The following ANK3 variants were observed in gnomAD, a reference collection of about 807,000 sequenced individuals.
The protein encoded by ANK3 is ankyrin 3.
A neutral mutation model predicts 370.9 loss-of-function variants in ANK3; 57 were observed. The observed-to-expected ratio is 0.15, with a 90% confidence interval of 0.12 to 0.19. The LOEUF is 0.19. ANK3 is among the 10% of genes least tolerant of loss of function. The pLI, the probability that ANK3 is intolerant of heterozygous loss-of-function variation, is 1.00. For synonymous variants in ANK3, 1,929 were observed against 1,946.3 expected (o/e 0.99, Z 0.23); for missense variants, 4,439 against 5,302.1 (o/e 0.84, Z 5.06).
At chr10:60,400,318 G>A (rs1479784862) in intron 2 of ANK3, among the ~76,000 whole-genome samples, 1 of 152,126 alleles carries the variant, frequency 6.6e-6, no homozygotes, top group East Asian at 1.9e-4. Flanking sequence ...CCTATGAATA[G>A]GAGTTATGGG....
intron 7 of ANK3, among the ~76,000 whole-genome samples, chr10:60,251,312 G>T (rs942574865): frequency 6.6e-6 from 1 of 152,086 alleles, no homozygotes; most frequent in Non-Finnish European, 1.5e-5. Flanking sequence ...ACTTTCTGAG[G>T]AGCATCTCAG....
chr10:60,219,949 T>A (rs1255186718), intron 8 of ANK3, among the ~76,000 whole-genome samples: 2 of 152,194 alleles, frequency 1.3e-5, no homozygotes, highest in Non-Finnish European at 2.9e-5. Flanking sequence ...TTGGAGCACG[T>A]TTATATCTTC....
At chr10:60,245,141 C>T (rs749528806) in intron 7 of ANK3, among the ~76,000 whole-genome samples, 1 of 152,002 alleles carries the variant, frequency 6.6e-6, no homozygotes, top group Non-Finnish European at 1.5e-5. Flanking sequence ...TGCACTCCAG[C>T]CTGGGCGACA....
intron 23 of ANK3, among the ~76,000 whole-genome samples, chr10:60,147,303 C>A (rs566555743): frequency 1.3e-5 from 2 of 152,138 alleles, no homozygotes; most frequent in African/African-American, 4.8e-5. Context: ...CAGTCCCGTG[C>A]TCAAGGTATA....
intron 39 of ANK3, 48 bp downstream of exon 39, chr10:60,064,109 T>C: frequency 6.7e-7 from 1 of 1,497,692 alleles, no homozygotes; most frequent in Non-Finnish European, 8.9e-7. Context: ...ATCTAAAATA[T>C]TACATTTATG....
chr10:60,315,007 G>A (rs980914676), intron 1 of ANK3, among the ~76,000 whole-genome samples: 1 of 152,136 alleles, frequency 6.6e-6, no homozygotes, highest in African/African-American at 2.4e-5. Context: ...AAATGTAGAC[G>A]AATGATGATA....
In ANK3 at chr10:60,305,286, T is replaced by G. The variant is rs577985987; in HGVS notation, c.115-25647A>C. Among the ~76,000 whole-genome samples, 3 of 152,214 alleles carry G rather than the reference T, an allele frequency of 2.0e-5. No individual in the cohort carries two copies. The East Asian group carries it at 5.8e-4, about 30-fold the overall frequency. On this transcript the variant is annotated intron_variant, in intron 1 of 43. Coordinates refer to ENST00000280772, the MANE Select transcript of ANK3 (RefSeq NM_020987.5). ...GAGCACCTTTGCTTTATCAAAATGC[T>G]GAGGGCCAGGAGTCCAGGCCTGGGG... is the stretch of plus-strand genomic sequence containing the variant.
At chr10:60,455,804 C>T (rs1432354622) in intron 2 of ANK3, among the ~76,000 whole-genome samples, 2 of 152,160 alleles carry the variant, frequency 1.3e-5, no homozygotes, top group African/African-American at 2.4e-5. Flanking sequence ...CTCGGCTATT[C>T]GTCTAAGAAT....
At chr10:60,043,352 T>G in intron 42 of ANK3, 1 of 984,942 alleles carries the variant, frequency 1.0e-6, no homozygotes, top group Non-Finnish European at 1.2e-6. Context: ...CCTTTTCAAT[T>G]TTGTGATTTG....
rs1389378638 is a variant in ANK3, at chr10:60,027,002, C to T, written c.*2844G>A. 1 of 152,116 alleles carries T rather than the reference C, an allele frequency of 6.6e-6. No homozygotes were observed. The allele number at this position is 152,116 out of a possible 1,614,324, so 9.4% of individuals were successfully genotyped here. A position where few individuals can be genotyped will look rare whatever the true frequency, so the allele number is the denominator to read the frequency against. On this transcript the variant is annotated 3_prime_UTR_variant, in exon 44 of 44. Transcript: ENST00000280772. The stretch of plus-strand genomic sequence containing the variant: ...ATACATGTATAAATATATGCATATA[C>T]ACACATATGCAAGTTAAATCTTGAA...
intron 1 of ANK3, among the ~76,000 whole-genome samples, chr10:60,303,182 G>A (rs748846629): frequency 1.3e-5 from 2 of 152,012 alleles, no homozygotes; most frequent in Admixed American, 6.6e-5. Flanking sequence ...CAAAAGCTCA[G>A]GCCACAAAAG....
chr10:60,447,340 G>C (rs1028588827), intron 2 of ANK3, among the ~76,000 whole-genome samples: 1 of 152,164 alleles, frequency 6.6e-6, no homozygotes, highest in African/African-American at 2.4e-5. Context: ...TGAGAAGGAT[G>C]GTGATGGTTC....
At chr10:60,080,320 T>C (rs1376170327) in intron 36 of ANK3, 3 of 490,546 alleles carry the variant, frequency 6.1e-6, no homozygotes, top group African/African-American at 4.0e-5. Context: ...AAATAGTTAA[T>C]GGCTTTAAAA....
At chr10:60,457,880 T>G (rs1434201645) in intron 2 of ANK3, among the ~76,000 whole-genome samples, 1 of 151,988 alleles carries the variant, frequency 6.6e-6, no homozygotes, top group East Asian at 1.9e-4. Flanking sequence ...TGGGCGGTAG[T>G]GTAGTAGAGT....
chr10:60,411,138 T>C (rs950206552), intron 2 of ANK3, among the ~76,000 whole-genome samples: 3 of 152,176 alleles, frequency 2.0e-5, no homozygotes, highest in African/African-American at 4.8e-5. Flanking sequence ...CCAAGCCACA[T>C]TGGACTGTGA....
chr10:60,318,391 A>G (rs2047918512), intron 1 of ANK3, among the ~76,000 whole-genome samples: 1 of 152,338 alleles, frequency 6.6e-6, no homozygotes, highest in East Asian at 1.9e-4. Context: ...AAAATTTAAT[A>G]GATTAAAATT....
At chr10:60,125,816 G>A (rs898762576) in intron 25 of ANK3, among the ~76,000 whole-genome samples, 2 of 152,112 alleles carry the variant, frequency 1.3e-5, no homozygotes, top group African/African-American at 2.4e-5. Flanking sequence ...CTTGGATCTT[G>A]AAAATACGAG....
chr10:60,712,723 T>C (rs1365577729), intron 1 of ANK3, among the ~76,000 whole-genome samples: 1 of 152,084 alleles, frequency 6.6e-6, no homozygotes, highest in Non-Finnish European at 1.5e-5. Context: ...AAACCCACTT[T>C]AAATATAAAG....
intron 2 of ANK3, among the ~76,000 whole-genome samples, chr10:60,463,224 G>C (rs2064932151): frequency 6.6e-6 from 1 of 152,174 alleles, no homozygotes; most frequent in Admixed American, 6.5e-5. Context: ...CTATAGCTAA[G>C]AAAGTTCTTT....
Sources: gnomAD v4.1 joint callset for allele counts (sites outside exome capture counted in the v4.1 genomes callset) on GRCh38, gnomAD v4.1.1 for gene constraint, MANE v1.5 for transcripts, NCBI Gene and HGNC (gene_info 2026-07-23, HGNC 2026-07-21) for gene names.